RGPD2: variants seen among roughly 807,000 people sequenced by gnomAD.
The protein encoded by RGPD2 is RANBP2 like and GRIP domain containing 2, also known as RANBP2-like and GRIP domain-containing protein 2.
A neutral mutation model predicts 36.0 loss-of-function variants in RGPD2; 2 were observed. The ratio of observed to expected loss-of-function variants is 0.06; its 90% CI spans 0.02 to 0.17. The LOEUF (loss-of-function observed/expected upper bound fraction) is 0.17. RGPD2 is among the 10% of genes least tolerant of loss of function. RGPD2 has a pLI of 1.00. For synonymous variants in RGPD2, 19 were observed against 163.8 expected (o/e 0.12, Z 6.75); for missense variants, 40 against 464.3 (o/e 0.09, Z 8.40).
the RGPD2 span, among the ~76,000 whole-genome samples, chr2:87,914,825 A>G: frequency 6.6e-6 from 1 of 151,588 alleles, no homozygotes; most frequent in Non-Finnish European, 1.5e-5. Flanking sequence ...TTATATAACT[A>G]TGTGAGATCA....
the RGPD2 span, among the ~76,000 whole-genome samples, chr2:87,842,383 T>C: frequency 3.1e-3 from 459 of 149,722 alleles, 4 homozygotes; most frequent in Non-Finnish European, 2.3e-3. Context: ...AAAATCAATG[T>C]ATAAAAATCG....
the RGPD2 span, among the ~76,000 whole-genome samples, chr2:87,847,502 T>TC: frequency 1.4e-5 from 2 of 146,936 alleles, no homozygotes; most frequent in East Asian, 3.9e-4. Context: ...TTTTTTAATT[T>TC]TTTTTTTTTT....
At chr2:87,986,917 A>T in the RGPD2 span, among the ~76,000 whole-genome samples, 2 of 150,248 alleles carry the variant, frequency 1.3e-5, no homozygotes, top group Non-Finnish European at 3.0e-5. Context: ...TACAACTTCT[A>T]TGTTTATACA....
the RGPD2 span, among the ~76,000 whole-genome samples, chr2:87,858,193 G>T: frequency 6.6e-6 from 1 of 152,022 alleles, no homozygotes; most frequent in Non-Finnish European, 1.5e-5. Flanking sequence ...CAGGAGAATT[G>T]CTTGAACCTG....
At chr2:87,952,810 CTTTG>C in the RGPD2 span, among the ~76,000 whole-genome samples, 1 of 151,894 alleles carries the variant, frequency 6.6e-6, no homozygotes, top group Non-Finnish European at 1.5e-5. Flanking sequence ...ACTTCCAAGT[CTTTG>C]TTTGTTTCAT....
chr2:87,945,285 T>C, the RGPD2 span, among the ~76,000 whole-genome samples: 1 of 152,090 alleles, frequency 6.6e-6, no homozygotes, highest in African/African-American at 2.4e-5. Context: ...TCTACATATA[T>C]CAACATCGAG....
chr2:87,988,882 A>G, the RGPD2 span, among the ~76,000 whole-genome samples: 1 of 152,198 alleles, frequency 6.6e-6, no homozygotes, highest in African/African-American at 2.4e-5. Context: ...ATTCCCCAAC[A>G]GAAGAACCTC....
chr2:87,879,601 T>C, the RGPD2 span, among the ~76,000 whole-genome samples: 1 of 96,120 alleles, frequency 1.0e-5, no homozygotes. Context: ...TTATTTTACT[T>C]ATCATAACCT....
Position 87,825,707 on chromosome 2 carries a change from C to G in RGPD2, c.23G>C (p.Gly8Ala). 1.2e-6 allele frequency: 2 copies of G among 1,602,972 alleles called. No individual in the cohort carries two copies. Among genetic ancestry groups the G allele is most frequent in the Non-Finnish European group, 1.7e-6 (2 of 1,175,618 alleles). Residue 8 changes from glycine to alanine, a missense_variant, in exon 1 of 23, where the codon GGG (glycine) becomes GCG (alanine). Coordinates refer to ENST00000398146, the MANE Select transcript of RGPD2 (RefSeq NM_001078170.3). MRRSKAY[G>A]ERYLASVQGS... ...CTGCACCGAGGCGAGGTACCGCTCC[C>G]CGTAGGCTTTGCTGCGCCTCATCGC... is the stretch of plus-strand genomic sequence containing the variant.
the RGPD2 span, among the ~76,000 whole-genome samples, chr2:87,866,650 C>A: frequency 3.0e-4 from 46 of 152,358 alleles, no homozygotes; most frequent in African/African-American, 1.1e-3. Flanking sequence ...CCCCTTCTCA[C>A]CCCCCTTCCC....
the RGPD2 span, chr2:87,985,907 T>C: frequency 2.3e-5 from 37 of 1,593,534 alleles, no homozygotes; most frequent in Admixed American, 1.3e-4. Flanking sequence ...TTTGCAAACA[T>C]GTTTGTACTA....
chr2:87,835,863 T>TG, the RGPD2 span, among the ~76,000 whole-genome samples: 31 of 103,692 alleles, frequency 3.0e-4, no homozygotes, highest in East Asian at 8.7e-3. Flanking sequence ...GGAGAGACTC[T>TG]GGAGCCCATT....
the RGPD2 span, among the ~76,000 whole-genome samples, chr2:87,834,226 A>G: frequency 6.6e-6 from 1 of 151,192 alleles, no homozygotes; most frequent in Non-Finnish European, 1.5e-5. Flanking sequence ...TCTGATAAAT[A>G]ACATCTAAGA....
chr2:87,910,332 T>A, the RGPD2 span, among the ~76,000 whole-genome samples: 22 of 147,340 alleles, frequency 1.5e-4, no homozygotes, highest in African/African-American at 5.5e-4. Context: ...CTCCATCCAG[T>A]ACTGCATGGA....
At chr2:87,866,649 AC>A in the RGPD2 span, among the ~76,000 whole-genome samples, 2 of 151,858 alleles carry the variant, frequency 1.3e-5, no homozygotes, top group East Asian at 3.9e-4. Context: ...TCCCCTTCTC[AC>A]CCCCCTTCCC....
the RGPD2 span, among the ~76,000 whole-genome samples, chr2:87,864,576 TGATAGATAGATAGATA>T: frequency 1.1e-3 from 173 of 151,398 alleles, no homozygotes; most frequent in Admixed American, 2.9e-3. Context: ...CATAGATAGA[TGATAGATAGATAGATA>T]GATAGATAGA....
chr2:87,986,502 C>G, the RGPD2 span, among the ~76,000 whole-genome samples: 2 of 151,958 alleles, frequency 1.3e-5, no homozygotes, highest in Non-Finnish European at 2.9e-5. Flanking sequence ...TTGCCAGAGA[C>G]AGTCCTGATT....
the RGPD2 span, among the ~76,000 whole-genome samples, chr2:87,919,139 T>A: frequency 6.6e-6 from 1 of 151,814 alleles, no homozygotes; most frequent in Non-Finnish European, 1.5e-5. Context: ...GTTATTAGGT[T>A]ATTAAACAGA....
the RGPD2 span, among the ~76,000 whole-genome samples, chr2:87,894,545 A>G: frequency 3.9e-5 from 6 of 151,990 alleles, no homozygotes; most frequent in Non-Finnish European, 7.4e-5. Context: ...TCTTTTTTGT[A>G]TAAGTTTATC....
Sources: gnomAD v4.1 joint callset for allele counts (sites outside exome capture counted in the v4.1 genomes callset) on GRCh38, gnomAD v4.1.1 for gene constraint, MANE v1.5 for transcripts, NCBI Gene and HGNC (gene_info 2026-07-23, HGNC 2026-07-21) for gene names.